RMI1: variants seen among roughly 807,000 people sequenced by gnomAD.
RMI1 encodes the protein RecQ mediated genome instability 1.
In RMI1, 36 loss-of-function variants were observed where a neutral mutation model predicts 46.7. The observed-to-expected ratio is 0.77, with a 90% CI of 0.59 to 1.02. The LOEUF is 1.02. Among genes scored for constraint, RMI1 ranks in the 50% least tolerant of loss-of-function variants. The pLI is 0.00. For missense variants in RMI1, 676 were observed against 713.7 expected, an observed-to-expected ratio of 0.95 and a Z score of 0.60; for synonymous variants, 250 against 252.9, an observed-to-expected ratio of 0.99 and a Z score of 0.11.
At position 84,001,396 on chromosome 9, in the gene RMI1, TGCA is replaced by T; in HGVS notation, c.413_415del (p.Gln138del). 1 of 1,614,128 alleles carries T rather than the reference TGCA, an allele frequency of 6.2e-7. No individual in the cohort carries two copies. The highest frequency in any genetic ancestry group is 8.5e-7 in the Non-Finnish European group (1 of 1,179,998). Reference sequence around the variant, plus strand: ...GCAAAGCCTTCACGAATGTTGATGCTGCAGCTAACTGATGGAATCGTACAAATA... The same window carrying T: ...GCAAAGCCTTCACGAATGTTGATGCTGCTAACTGATGGAATCGTACAAATA... On this transcript the variant is annotated inframe_deletion, in exon 3 of 3. Coordinates refer to ENST00000445877, the MANE Select transcript of RMI1 (RefSeq NM_001358291.2).
At position 84,002,638 on chromosome 9, in the gene RMI1, C is replaced by G. The variant is rs1957756277; in HGVS notation, c.1652C>G (p.Thr551Ser). ...GTAGACTTTGTGGATGAAATACTTA[C>G]TAGCTTGATAGGGTTCTCAGTACCA... is the stretch of plus-strand genomic sequence containing the variant. ...LDVDFVDEILTSLIGFSVPEM... is the reference protein window; with the variant it reads ...LDVDFVDEILSSLIGFSVPEM... The change falls in exon 3 of 3, where the codon ACT becomes AGT. Residue 551 changes from threonine to serine, a missense_variant. Physicochemically the swap from Thr to Ser is moderately conservative, Grantham distance 58. Transcript: ENST00000445877. 1 of 1,613,762 alleles carries G rather than the reference C, an allele frequency of 6.2e-7. No individual in the cohort carries two copies. Among genetic ancestry groups the G allele is most frequent in the Non-Finnish European group, 8.5e-7 (1 of 1,179,890 alleles).
In RMI1 at chr9:84,000,138, A is replaced by G. The variant is rs999467228; in HGVS notation, c.-37+341A>G. Among the ~76,000 whole-genome samples, 5 of 152,326 alleles carry G rather than the reference A, an allele frequency of 3.3e-5. No homozygotes were observed. The East Asian group carries it at 7.7e-4, about 23-fold the overall frequency. ...TAGAGTTAAATTAGAACTATTGCAC[A>G]TACATAAAGAACATTAGTGAACATT... On this transcript the variant is annotated intron_variant, in intron 2 of 2. Transcript: ENST00000445877.
chr9:83,993,332 C>A (rs966506376), intron 1 of RMI1, among the ~76,000 whole-genome samples: 2 of 152,256 alleles, frequency 1.3e-5, no homozygotes, highest in Admixed American at 6.5e-5. Flanking sequence ...ATAGGATTTA[C>A]TTCTTTTATA....
Position 84,003,034 on chromosome 9 carries a change from AAAT to A in RMI1, c.*173_*175del, listed in dbSNP as rs1348182418. The A allele has an allele frequency of 8.3e-6, 4 of 482,884 alleles. No individual in the cohort carries two copies. Among genetic ancestry groups the A allele is most frequent in the Non-Finnish European group, 1.4e-5 (4 of 276,512 alleles). The allele number at this position is 482,884 out of a possible 1,614,324, so 29.9% of individuals were successfully genotyped here. A position where few individuals can be genotyped will look rare whatever the true frequency, so the allele number is the denominator to read the frequency against. ...TGTTTGTTATATGTGGAGCTTTTGAAAATAAGTTAATCTTTTTTTTTTTTTTTT... is the reference window on the plus strand; with the variant it reads ...TGTTTGTTATATGTGGAGCTTTTGAAAAGTTAATCTTTTTTTTTTTTTTTT... On this transcript the variant is annotated 3_prime_UTR_variant, in exon 3 of 3. Coordinates refer to ENST00000445877, the MANE Select transcript of RMI1 (RefSeq NM_001358291.2).
intron 1 of RMI1, among the ~76,000 whole-genome samples, chr9:83,995,990 C>A (rs1306226873): frequency 6.6e-6 from 1 of 152,046 alleles, no homozygotes; most frequent in South Asian, 2.1e-4. Context: ...TAAGATGTTT[C>A]ATTTAAAAAA....
At chr9:83,990,424 C>T (rs1221471324) in intron 1 of RMI1, among the ~76,000 whole-genome samples, 3 of 151,570 alleles carry the variant, frequency 2.0e-5, no homozygotes, top group Admixed American at 6.6e-5. Context: ...GCAGGAGAAT[C>T]GCTTGAAGTC....
chr9:83,986,704 C>G (rs930695103), intron 1 of RMI1, among the ~76,000 whole-genome samples: 2 of 152,122 alleles, frequency 1.3e-5, no homozygotes, highest in African/African-American at 4.8e-5. Context: ...TTATTTTCAG[C>G]AAAGTCTTCA....
At chr9:83,984,967 G>A (rs1302365069) in intron 1 of RMI1, among the ~76,000 whole-genome samples, 1 of 152,156 alleles carries the variant, frequency 6.6e-6, no homozygotes, top group Non-Finnish European at 1.5e-5. Flanking sequence ...TTGCACATGG[G>A]AATTTGTGCT....
rs1957365259 is a variant in RMI1, at chr9:83,980,853, A to T, written c.-164A>T. On this transcript the variant is annotated 5_prime_UTR_variant, in exon 1 of 3. Transcript: ENST00000445877. ...TCCTGTCCTTACAGTTGCGCTGCCC[A>T]GGGACCGATGTTGCGCGAGGAAAAT... is the stretch of plus-strand genomic sequence containing the variant. 6.6e-6 allele frequency: 1 copy of T among 152,376 alleles called. No individual in the cohort carries two copies. The highest frequency in any genetic ancestry group is 1.5e-5 in the Non-Finnish European group (1 of 68,158). The allele number at this position is 152,376 out of a possible 1,614,324, so 9.4% of individuals were successfully genotyped here. A position where few individuals can be genotyped will look rare whatever the true frequency, so the allele number is the denominator to read the frequency against.
chr9:83,991,413 T>C (rs1242130704), intron 1 of RMI1, among the ~76,000 whole-genome samples: 1 of 152,094 alleles, frequency 6.6e-6, no homozygotes, highest in Non-Finnish European at 1.5e-5. Flanking sequence ...CCTCCTGGGC[T>C]CAAGGAATCC....
chr9:83,984,258 T>C (rs1466456856), intron 1 of RMI1, among the ~76,000 whole-genome samples: 1 of 148,912 alleles, frequency 6.7e-6, no homozygotes, highest in African/African-American at 2.5e-5. Flanking sequence ...GTGGATAATA[T>C]GGTATGAACA....
chr9:83,981,244 C>A lies in RMI1; in HGVS notation c.-126+353C>A, dbSNP rs79768781. ...GGGCTCTCGGTTCTGAGACTTTCCTCTTGGGTAATGGGACCTGAGATGGAA... is the reference window on the plus strand; with the variant it reads ...GGGCTCTCGGTTCTGAGACTTTCCTATTGGGTAATGGGACCTGAGATGGAA... On this transcript the variant is annotated intron_variant, in intron 1 of 2. Transcript: ENST00000445877. Among the ~76,000 whole-genome samples, 113 of 152,336 alleles carry A rather than the reference C, an allele frequency of 7.4e-4. 1 individual carries two copies. The East Asian group carries it at 0.016, about 21-fold the overall frequency.
chr9:83,989,389 TAA>T (rs1160370150), intron 1 of RMI1, among the ~76,000 whole-genome samples: 1 of 151,974 alleles, frequency 6.6e-6, no homozygotes, highest in Non-Finnish European at 1.5e-5. Context: ...ACCAACAGAG[TAA>T]AGAGACAACT....
At chr9:83,990,506 G>C (rs1957554713) in intron 1 of RMI1, among the ~76,000 whole-genome samples, 1 of 104,782 alleles carries the variant, frequency 9.5e-6, no homozygotes. Flanking sequence ...CTAGAATGCT[G>C]TCTTAAAAAA....
At chr9:83,980,698 A>G (rs1957355183), upstream of RMI1, 1 of 151,900 alleles carries the variant, frequency 6.6e-6, no homozygotes, top group Non-Finnish European at 1.5e-5. Context: ...GTTCACGCGC[A>G]CAGGGAGGGG....
At chr9:83,983,000 T>C (rs1247632124) in intron 1 of RMI1, among the ~76,000 whole-genome samples, 1 of 152,228 alleles carries the variant, frequency 6.6e-6, no homozygotes, top group Non-Finnish European at 1.5e-5. Context: ...AATGGTGTAG[T>C]GATCACTTTG....
chr9:83,993,701 T>C (rs761943058), intron 1 of RMI1, among the ~76,000 whole-genome samples: 17 of 152,158 alleles, frequency 1.1e-4, no homozygotes, highest in Admixed American at 6.6e-4. Context: ...TGAGATCTCA[T>C]TGTGGTTTTG....
chr9:84,003,007 C>A lies in RMI1; in HGVS notation c.*143C>A. 5 of 529,258 alleles carry A rather than the reference C, an allele frequency of 9.4e-6. No homozygotes were observed. The highest frequency in any genetic ancestry group is 1.3e-5 in the Non-Finnish European group (4 of 301,446). 32.8% of individuals were successfully genotyped at this position (529,258 alleles called of 1,614,324 possible). A position where few individuals can be genotyped will look rare whatever the true frequency, so the allele number is the denominator to read the frequency against. On this transcript the variant is annotated 3_prime_UTR_variant, in exon 3 of 3. Coordinates refer to ENST00000445877, the MANE Select transcript of RMI1 (RefSeq NM_001358291.2). ...TCAGTTTAATTTTAAAGTGTTTAAT[C>A]ATGTTTGTTATATGTGGAGCTTTTG...
At position 84,001,167 on chromosome 9, in the gene RMI1, C is replaced by G; in HGVS notation, c.181C>G (p.Leu61Val). 6.2e-7 allele frequency: 1 copy of G among 1,614,122 alleles called. No individual in the cohort carries two copies. The highest frequency in any genetic ancestry group is 8.5e-7 in the Non-Finnish European group (1 of 1,179,988). Reference protein sequence around the residue: ...QVFEQWLLTDLRDLEHPLLPD... With the variant: ...QVFEQWLLTDVRDLEHPLLPD... ...GTTTGAGCAGTGGCTCCTTACTGAT[C>G]TGAGGGATTTGGAGCATCCTCTTTT... is the stretch of plus-strand genomic sequence containing the variant. Residue 61 changes from leucine (L) to valine (V), a missense_variant, in exon 3 of 3, where the codon CTG (leucine) becomes GTG (valine). Leu to Val is a conservative substitution (Grantham distance 32). Coordinates refer to ENST00000445877, the MANE Select transcript of RMI1 (RefSeq NM_001358291.2).
Sources: gnomAD v4.1 joint callset for allele counts (sites outside exome capture counted in the v4.1 genomes callset) on GRCh38, gnomAD v4.1.1 for gene constraint, MANE v1.5 for transcripts, NCBI Gene and HGNC (gene_info 2026-07-23, HGNC 2026-07-21) for gene names.